The following ZNF169 variants were observed in gnomAD, a reference collection of about 807,000 sequenced individuals.
ZNF169 encodes zinc finger protein 169.
A neutral mutation model predicts 12.0 loss-of-function variants in ZNF169; 11 were observed. That is an observed-to-expected ratio of 0.92 (90% CI 0.58 to 1.52). The LOEUF is 1.52. Among genes scored for constraint, ZNF169 ranks in the 40% most tolerant of loss-of-function variants. The pLI is 0.00. For synonymous variants in ZNF169, 302 were observed against 286.5 expected (o/e 1.05, Z -0.55); for missense variants, 722 against 744.0 (o/e 0.97, Z 0.34).
chr9:94,264,285 G>A (rs149460144), intron 1 of ZNF169, among the ~76,000 whole-genome samples: 3,646 of 152,064 alleles, frequency 0.024, 164 homozygotes, highest in African/African-American at 0.081. Context: ...ACAGGCATAC[G>A]CTACCATGCC....
chr9:94,288,505 TC>T, intron 2 of ZNF169: 1 of 653,698 alleles, frequency 1.5e-6, no homozygotes, highest in Non-Finnish European at 2.8e-6. Context: ...GGTGAAGACA[TC>T]CCTGGCAGAT....
Position 94,299,979 on chromosome 9 carries a change from G to A in ZNF169, c.421G>A (p.Gly141Arg), listed in dbSNP as rs1444381435. Residue 141 changes from glycine (G) to arginine (R), a missense_variant, in exon 5 of 5, where the codon GGA (glycine) becomes AGA (arginine). Transcript: ENST00000395395. ...LEAPRCSSEK[G>R]ESGETEGPDS... Reference sequence around the variant, plus strand: ...AGCTCCAAGATGCTCTAGTGAAAAAGGAGAAAGTGGAGAGACAGAAGGCCC... The same window carrying A: ...AGCTCCAAGATGCTCTAGTGAAAAAAGAGAAAGTGGAGAGACAGAAGGCCC... The A allele has an allele frequency of 6.2e-7, 1 of 1,614,126 alleles. No individual in the cohort carries two copies. Among genetic ancestry groups the A allele is most frequent in the Admixed American group, 1.7e-5 (1 of 60,014 alleles).
chr9:94,282,569 G>T (rs1830660660), intron 2 of ZNF169, among the ~76,000 whole-genome samples: 1 of 152,192 alleles, frequency 6.6e-6, no homozygotes, highest in African/African-American at 2.4e-5. Context: ...CTATGTCAGT[G>T]AGCAGAGAGG....
intron 2 of ZNF169, among the ~76,000 whole-genome samples, chr9:94,283,599 G>C (rs1235421723): frequency 6.6e-6 from 1 of 152,076 alleles, no homozygotes; most frequent in Non-Finnish European, 1.5e-5. Context: ...CAGACTGCCT[G>C]GCTACCATTA....
intron 2 of ZNF169, among the ~76,000 whole-genome samples, chr9:94,282,794 C>G (rs906228864): frequency 1.3e-5 from 2 of 151,936 alleles, no homozygotes; most frequent in Non-Finnish European, 2.9e-5. Context: ...GTGTAAGATT[C>G]CTGGTTTATT....
chr9:94,268,837 G>A (rs949006381), intron 1 of ZNF169, among the ~76,000 whole-genome samples: 6 of 150,170 alleles, frequency 4.0e-5, no homozygotes, highest in Non-Finnish European at 7.4e-5. Flanking sequence ...TAAATTATAT[G>A]TTTTCCTAAA....
chr9:94,269,044 C>A (rs943593964), intron 1 of ZNF169, among the ~76,000 whole-genome samples: 1 of 151,754 alleles, frequency 6.6e-6, no homozygotes, highest in Non-Finnish European at 1.5e-5. Context: ...TTATTTAGGC[C>A]GACTGTCAAC....
intron 4 of ZNF169, chr9:94,293,499 C>T (rs1209182452): frequency 1.4e-5 from 5 of 346,496 alleles, no homozygotes; most frequent in Non-Finnish European, 2.7e-5. Flanking sequence ...TCACTGCAAC[C>T]TCTGCCTCCT....
In ZNF169 at chr9:94,293,017, A is replaced by C. The variant is rs1186079228; in HGVS notation, c.204A>C (p.Gln68His). The C allele has an allele frequency of 1.2e-6, 2 of 1,613,504 alleles. No individual in the cohort carries two copies. The highest frequency in any genetic ancestry group is 1.7e-6 in the Non-Finnish European group (2 of 1,179,810). The change falls in exon 4 of 5, where the codon CAA (glutamine) becomes CAC (histidine). Residue 68 changes from glutamine (Q) to histidine (H), a missense_variant. Transcript: ENST00000395395. Reference protein sequence around the residue: ...SKPKLIEQLEQGDEPWREENE... With the variant: ...SKPKLIEQLEHGDEPWREENE... Reference sequence around the variant, plus strand: ...CAAAACTCATCGAACAGCTGGAGCAAGGCGACGAACCTTGGAGAGAGGAGA... The same window carrying C: ...CAAAACTCATCGAACAGCTGGAGCACGGCGACGAACCTTGGAGAGAGGAGA...
At chr9:94,273,602 A>G (rs1353506895) in intron 1 of ZNF169, among the ~76,000 whole-genome samples, 1 of 128,510 alleles carries the variant, frequency 7.8e-6, no homozygotes, top group African/African-American at 2.8e-5. Flanking sequence ...TTTTTGAGAC[A>G]AGAGTCTTGC....
chr9:94,259,815 T>C (rs914520097), intron 1 of ZNF169, among the ~76,000 whole-genome samples: 1 of 152,198 alleles, frequency 6.6e-6, no homozygotes, highest in African/African-American at 2.4e-5. Context: ...ATATCCTCGG[T>C]TGGAGCAAAC....
chr9:94,282,303 C>T (rs1439575913), intron 2 of ZNF169, among the ~76,000 whole-genome samples: 1 of 152,140 alleles, frequency 6.6e-6, no homozygotes, highest in African/African-American at 2.4e-5. Flanking sequence ...CCATGGCAGC[C>T]TCAGGAAGTC....
rs1188049907 is a variant in ZNF169, at chr9:94,300,483, A to G, written c.925A>G (p.Lys309Glu). ...FRYTSSLTNH[K>E]RIHSGERPFV... ...GTATACATCCTCTCTCACTAATCACAAGAGGATTCACTCCGGGGAGAGGCC... is the reference window on the plus strand; with the variant it reads ...GTATACATCCTCTCTCACTAATCACGAGAGGATTCACTCCGGGGAGAGGCC... Residue 309 changes from lysine to glutamate, a missense_variant, in exon 5 of 5, where the codon AAG becomes GAG. Physicochemically the swap from Lys to Glu is moderately conservative, Grantham distance 56. Coordinates refer to ENST00000395395, the MANE Select transcript of ZNF169 (RefSeq NM_194320.4). 11 of 1,613,812 alleles carry G rather than the reference A, an allele frequency of 6.8e-6. No individual in the cohort carries two copies. In the South Asian group the frequency reaches 9.9e-5, roughly 15 times the overall value.
At chr9:94,293,314 G>A (rs1830886763) in intron 4 of ZNF169, 16 of 591,130 alleles carry the variant, frequency 2.7e-5, no homozygotes, top group South Asian at 2.1e-4. Flanking sequence ...TTCCTTTCTC[G>A]AGCACATTCA....
Position 94,300,212 on chromosome 9 carries a change from A to T in ZNF169, c.654A>T (p.Arg218Ser). Reference sequence around the variant, plus strand: ...GAGCAGTCATACGTGGAAACTATAGACTGGGACTTAGCAAAAAGTCAAGCC... The same window carrying T: ...GAGCAGTCATACGTGGAAACTATAGTCTGGGACTTAGCAAAAAGTCAAGCC... ...ESGAVIRGNY[R>S]LGLSKKSSLF... The change falls in exon 5 of 5, where the codon AGA (arginine) becomes AGT (serine). Residue 218 changes from arginine (R) to serine (S), a missense_variant. Transcript: ENST00000395395. The T allele has an allele frequency of 6.2e-7, 1 of 1,614,204 alleles. No individual in the cohort carries two copies. The highest frequency in any genetic ancestry group is 8.5e-7 in the Non-Finnish European group (1 of 1,180,024).
At chr9:94,299,013 T>C (rs534981386) in intron 4 of ZNF169, among the ~76,000 whole-genome samples, 2 of 152,372 alleles carry the variant, frequency 1.3e-5, no homozygotes, top group African/African-American at 4.8e-5. Context: ...TCATCTATTA[T>C]TAACTTTCAA....
chr9:94,265,021 G>GTT (rs55756013), intron 1 of ZNF169, among the ~76,000 whole-genome samples: 48,959 of 90,488 alleles, frequency 0.54, 15,244 homozygotes, highest in Non-Finnish European at 0.64. Flanking sequence ...TCTGTACCCT[G>GTT]TTTTTTTTTT....
At chr9:94,287,450 C>T (rs1479417604) in intron 2 of ZNF169, among the ~76,000 whole-genome samples, 1 of 152,156 alleles carries the variant, frequency 6.6e-6, no homozygotes, top group Non-Finnish European at 1.5e-5. Flanking sequence ...ACTGCAACCT[C>T]CACCTCCCAG....
intron 2 of ZNF169, among the ~76,000 whole-genome samples, chr9:94,286,848 T>A (rs1197953520): frequency 6.6e-6 from 1 of 152,068 alleles, no homozygotes; most frequent in Admixed American, 6.6e-5. Context: ...CACATTACCC[T>A]CTCCACCCCA....
Sources: gnomAD v4.1 joint callset for allele counts (sites outside exome capture counted in the v4.1 genomes callset) on GRCh38, gnomAD v4.1.1 for gene constraint, MANE v1.5 for transcripts, NCBI Gene and HGNC (gene_info 2026-07-23, HGNC 2026-07-21) for gene names.